Variants in NEK11 observed in about 807,000 individuals in gnomAD.
The protein encoded by NEK11 is serine/threonine-protein kinase Nek11.
A neutral mutation model predicts 80.7 loss-of-function variants in NEK11; 72 were observed. The ratio of observed to expected loss-of-function variants is 0.89; its 90% confidence interval spans 0.74 to 1.08. NEK11 has a LOEUF of 1.08. Ranked by LOEUF, NEK11 falls within the 50% of genes least tolerant of loss-of-function variation. The pLI is 0.00. For synonymous variants in NEK11, 251 were observed against 260.7 expected, an observed-to-expected ratio of 0.96 and a Z score of 0.36; for missense variants, 764 against 763.6, an observed-to-expected ratio of 1.00 and a Z score of -0.01.
At chr3:131,286,257 G>A (rs2096469137) in intron 17 of NEK11, among the ~76,000 whole-genome samples, 1 of 152,200 alleles carries the variant, frequency 6.6e-6, no homozygotes, top group African/African-American at 2.4e-5. Flanking sequence ...GGCCAGGGTT[G>A]GGGTGTAGGG....
At chr3:131,245,105 C>T (rs894611778) in intron 16 of NEK11, among the ~76,000 whole-genome samples, 1 of 152,054 alleles carries the variant, frequency 6.6e-6, no homozygotes, top group African/African-American at 2.4e-5. Flanking sequence ...TCCCACTCTT[C>T]TGAGTCTCCA....
chr3:131,273,954 C>CT (rs56868178), intron 17 of NEK11, among the ~76,000 whole-genome samples: 111 of 148,992 alleles, frequency 7.5e-4, no homozygotes, highest in Admixed American at 1.1e-3. Flanking sequence ...CCAGAGTGGT[C>CT]TTTTTTTTTT....
At chr3:131,110,699 A>G (rs1478052482) in intron 5 of NEK11, among the ~76,000 whole-genome samples, 3 of 152,156 alleles carry the variant, frequency 2.0e-5, no homozygotes, top group Non-Finnish European at 4.4e-5. Context: ...ACATGGTACC[A>G]TTCTTCTTGA....
chr3:131,165,902 A>C (rs1407129575), intron 12 of NEK11, among the ~76,000 whole-genome samples: 2 of 152,100 alleles, frequency 1.3e-5, no homozygotes, highest in Non-Finnish European at 2.9e-5. Context: ...TCTGGTTTTT[A>C]TTCTTTTCCT....
chr3:131,170,834 TC>T lies in NEK11; in HGVS notation c.1348del (p.His450ThrfsTer7). 6.2e-7 allele frequency: 1 copy of T among 1,614,172 alleles called. No individual in the cohort carries two copies. Among genetic ancestry groups the T allele is most frequent in the Non-Finnish European group, 8.5e-7 (1 of 1,179,998 alleles). The part of the protein sequence containing the change: ...PESQPIPSMD[L>X]HELESIVEDA... Reference sequence around the variant, plus strand: ...TCTCAGCCTATTCCTTCCATGGACCTCCACGAACTTGAATCAATTGTAGAGG... The same window carrying T: ...TCTCAGCCTATTCCTTCCATGGACCTCACGAACTTGAATCAATTGTAGAGG... On this transcript the variant is annotated frameshift_variant, in exon 14 of 18. Coordinates refer to ENST00000383366, the MANE Select transcript of NEK11 (RefSeq NM_024800.5). LOFTEE classifies it high-confidence loss of function.
chr3:131,142,492 A>G (rs1437268185), intron 7 of NEK11, among the ~76,000 whole-genome samples: 1 of 151,496 alleles, frequency 6.6e-6, no homozygotes, highest in Non-Finnish European at 1.5e-5. Flanking sequence ...ACAGCCATTC[A>G]GTCAAAATGT....
At chr3:131,145,779 C>A (rs1288811680) in intron 7 of NEK11, among the ~76,000 whole-genome samples, 4 of 151,994 alleles carry the variant, frequency 2.6e-5, no homozygotes, top group African/African-American at 4.8e-5. Context: ...CAGTATGGAA[C>A]CTTGAACAAT....
At chr3:131,064,888 G>A (rs765760729) in intron 3 of NEK11, among the ~76,000 whole-genome samples, 1 of 152,036 alleles carries the variant, frequency 6.6e-6, no homozygotes, top group African/African-American at 2.4e-5. Context: ...TTTTTATAGA[G>A]TAGAGAAGAC....
intron 17 of NEK11, among the ~76,000 whole-genome samples, chr3:131,296,616 G>A (rs1341220469): frequency 5.9e-5 from 9 of 151,892 alleles, no homozygotes; most frequent in African/African-American, 2.2e-4. Flanking sequence ...ATAACTGTAT[G>A]TATTTCACAC....
chr3:131,273,482 A>G lies in NEK11; in HGVS notation c.1626A>G (p.Thr542=), dbSNP rs566314355. 144 of 1,613,748 alleles carry G rather than the reference A, an allele frequency of 8.9e-5. No homozygotes were observed. The South Asian group carries it at 1.5e-3, about 17-fold the overall frequency. Residue 542 remains threonine (T), a synonymous_variant, in exon 17 of 18, where the codon ACA becomes ACG. Transcript: ENST00000383366. Reference sequence around the variant, plus strand: ...GGGCTGTGCATTGATTTTCAGACACAAAGACCATCACCACCATGGCTGAAG... The same window carrying G: ...GGGCTGTGCATTGATTTTCAGACACGAAGACCATCACCACCATGGCTGAAG... ...ENVLGCTSLD[T]KTITTMAEDM... is the part of the protein sequence containing the mutation.
intron 7 of NEK11, among the ~76,000 whole-genome samples, chr3:131,142,992 G>A (rs1383606292): frequency 6.6e-6 from 1 of 152,152 alleles, no homozygotes; most frequent in African/African-American, 2.4e-5. Context: ...TCCCTAAAAT[G>A]TGACAGTATA....
At chr3:131,319,831 G>A (rs975498458) in intron 17 of NEK11, among the ~76,000 whole-genome samples, 9 of 151,882 alleles carry the variant, frequency 5.9e-5, no homozygotes, top group Non-Finnish European at 1.3e-4. Flanking sequence ...ATACAAAGAT[G>A]GTTATCTAGC....
chr3:131,045,388 C>A (rs2067230276), intron 3 of NEK11, among the ~76,000 whole-genome samples: 1 of 152,106 alleles, frequency 6.6e-6, no homozygotes, highest in Non-Finnish European at 1.5e-5. Flanking sequence ...AAATTTCCAT[C>A]TTGATTTTAT....
chr3:131,336,280 A>G (rs1444406707), intron 17 of NEK11, among the ~76,000 whole-genome samples: 1 of 152,252 alleles, frequency 6.6e-6, no homozygotes, highest in Non-Finnish European at 1.5e-5. Context: ...ATATAGATCA[A>G]TGGAACAGAA....
intron 3 of NEK11, among the ~76,000 whole-genome samples, chr3:131,068,903 T>G (rs1486883252): frequency 1.3e-5 from 2 of 152,220 alleles, no homozygotes; most frequent in Admixed American, 6.5e-5. Context: ...ATACAGAGTT[T>G]CATTTTCTTC....
At chr3:131,139,291 A>T (rs2086312434) in intron 7 of NEK11, among the ~76,000 whole-genome samples, 1 of 151,676 alleles carries the variant, frequency 6.6e-6, no homozygotes, top group Non-Finnish European at 1.5e-5. Flanking sequence ...TAGAAGAAAG[A>T]ATTAGTAAGC....
chr3:131,230,023 A>G lies in NEK11; in HGVS notation c.1560+1335A>G, dbSNP rs1222113989. ...TACCTTCTGAGCCACTGTCATAAAC[A>G]ACTGTAACGGATATTATTGCAGCAT... is the stretch of plus-strand genomic sequence containing the variant. On this transcript the variant is annotated intron_variant, in intron 15 of 17. Coordinates refer to ENST00000383366, the MANE Select transcript of NEK11 (RefSeq NM_024800.5). Among the ~76,000 whole-genome samples, 3 of 152,168 alleles carry G rather than the reference A, an allele frequency of 2.0e-5. 1 individual carries two copies. The highest frequency in any genetic ancestry group is 7.2e-5 in the African/African-American group (3 of 41,446).
intron 17 of NEK11, among the ~76,000 whole-genome samples, chr3:131,333,537 G>A (rs1015810849): frequency 2.0e-5 from 3 of 152,098 alleles, no homozygotes; most frequent in Admixed American, 6.5e-5. Context: ...AGACCATCGA[G>A]GCTAGGAAGA....
At chr3:131,154,218 G>T (rs146473942) in intron 9 of NEK11, among the ~76,000 whole-genome samples, 1 of 152,134 alleles carries the variant, frequency 6.6e-6, no homozygotes, top group Admixed American at 6.5e-5. Flanking sequence ...TGGTCCTCTG[G>T]AAAGAGCCTC....
Sources: allele counts gnomAD v4.1 joint callset (sites outside exome capture counted in the v4.1 genomes callset), GRCh38; gene constraint gnomAD v4.1.1; transcripts MANE v1.5; gene names NCBI Gene and HGNC (gene_info 2026-07-23, HGNC 2026-07-21).